Variants in ZNF385D observed in about 807,000 individuals in gnomAD.
ZNF385D encodes zinc finger protein 659.
Under a neutral mutation model 35.8 loss-of-function variants are expected in ZNF385D, and 15 were observed. That is an observed-to-expected ratio of 0.42 (90% CI 0.28 to 0.64). The LOEUF is 0.64. Among genes scored for constraint, ZNF385D ranks in the 30% least tolerant of loss-of-function variants. ZNF385D has a pLI of 0.23. For missense variants in ZNF385D, 474 were observed against 494.6 expected (o/e 0.96, Z 0.39); for synonymous variants, 212 against 186.8 (o/e 1.13, Z -1.10).
rs1244215507 is a variant in ZNF385D, at chr3:22,131,812, C to T, written c.325+37005G>A. 2.6e-5 allele frequency among the ~76,000 whole-genome samples: 4 copies of T among 152,142 alleles called. No homozygotes were observed. The South Asian group carries it at 8.3e-4, about 32-fold the overall frequency. On this transcript the variant is annotated intron_variant, in intron 3 of 5. Coordinates refer to the ZNF385D transcript ENST00000494108. ...TACAGATGAGAGAAAGCTATTAAAC[C>T]TTAAGGGAAAGTATGAAAGAATCAT... is the stretch of plus-strand genomic sequence containing the variant.
chr3:22,197,042 G>A (rs1696467627), intron 2 of ZNF385D, among the ~76,000 whole-genome samples: 1 of 151,840 alleles, frequency 6.6e-6, no homozygotes, highest in East Asian at 1.9e-4. Context: ...ATAAAATTTG[G>A]CTTCCAATTT....
rs144328999 is a variant in ZNF385D, at chr3:22,093,606, A to G, written c.325+75211T>C. 4.3e-3 allele frequency among the ~76,000 whole-genome samples: 657 copies of G among 152,242 alleles called. 6 individuals are homozygous for G. The highest frequency in any genetic ancestry group is 0.015 in the African/African-American group (610 of 41,566). On this transcript the variant is annotated intron_variant, in intron 3 of 5. Transcript: ENST00000494108. ...TTATCCTCATTCATTATACGAGTTG[A>G]CAACCTACTATAAAAAATAAGAAAG...
intron 2 of ZNF385D, among the ~76,000 whole-genome samples, chr3:22,269,336 T>A (rs1701056669): frequency 6.6e-6 from 1 of 151,910 alleles, no homozygotes. Context: ...CCCTAAGAGT[T>A]AAATAAAGAG....
chr3:21,425,600 T>A lies in ZNF385D; in HGVS notation c.744A>T (p.Gly248=). 3.1e-6 allele frequency: 5 copies of A among 1,607,888 alleles called. No individual in the cohort carries two copies. Among genetic ancestry groups the A allele is most frequent in the Non-Finnish European group, 4.2e-6 (5 of 1,176,860 alleles). Residue 248 remains glycine, a synonymous_variant, in exon 6 of 8, where the codon GGA becomes GGT. Transcript: ENST00000281523. The stretch of plus-strand genomic sequence containing the variant: ...TATTAACAGGTCCTTTGCCTTTCAC[T>A]CCTGCCCTAGGAAAGGCTTTGATAG... The part of the protein sequence containing the change: ...SGTIKAFPRA[G]VKGKGPVNKG...
intron 3 of ZNF385D, among the ~76,000 whole-genome samples, chr3:21,792,655 G>A (rs1389198978): frequency 6.6e-6 from 1 of 152,064 alleles, no homozygotes; most frequent in African/African-American, 2.4e-5. Flanking sequence ...GGGCCATGCA[G>A]GAGACTTGCA....
chr3:21,642,559 C>T (rs930109712), intron 2 of ZNF385D, among the ~76,000 whole-genome samples: 1 of 152,034 alleles, frequency 6.6e-6, no homozygotes, highest in African/African-American at 2.4e-5. Context: ...TAGATTCAGT[C>T]AGCAACATTC....
rs536150358 is a variant in ZNF385D, at chr3:22,186,523, T to G, written c.107-17488A>C. Among the ~76,000 whole-genome samples, 54 of 152,288 alleles carry G rather than the reference T, an allele frequency of 3.5e-4. 1 individual carries two copies. In the South Asian group the frequency reaches 7.5e-3, roughly 21 times the overall value. ...TGCAGGCTGCCATGTCCTGAAGTTA[T>G]AAAATTATTGTATCATTTCACTTTA... On this transcript the variant is annotated intron_variant, in intron 2 of 5. Transcript: ENST00000494108.
chr3:22,327,237 A>G (rs981535112), intron 2 of ZNF385D, among the ~76,000 whole-genome samples: 1 of 152,226 alleles, frequency 6.6e-6, no homozygotes, highest in African/African-American at 2.4e-5. Flanking sequence ...CAGGAACATT[A>G]AACCTTACAA....
chr3:22,242,650 G>A (rs192044048), intron 2 of ZNF385D, among the ~76,000 whole-genome samples: 3 of 151,038 alleles, frequency 2.0e-5, no homozygotes, highest in African/African-American at 7.3e-5. Context: ...ATGTGACATC[G>A]CAACTAAACA....
rs1386797754 is a variant in ZNF385D at position 21,684,377 on chromosome 3, T to C, written c.23-19349A>G. Among the ~76,000 whole-genome samples the C allele has an allele frequency of 2.2e-5, 2 of 90,196 alleles. 1 individual carries two copies. The highest frequency in any genetic ancestry group is 1.1e-4 in the African/African-American group (2 of 17,936). 59.2% of individuals were successfully genotyped at this position (90,196 alleles called of 152,430 possible). On this transcript the variant is annotated intron_variant, in intron 1 of 7. Coordinates refer to ENST00000281523, the MANE Select transcript of ZNF385D (RefSeq NM_024697.3). The stretch of plus-strand genomic sequence containing the variant: ...GGTTAACTGTTCTCCTCTCTCTCTC[T>C]CTCTCTCTCTCTCTCTCTCTCTCTC...
chr3:21,873,843 A>C (rs1016783545), intron 3 of ZNF385D, among the ~76,000 whole-genome samples: 5 of 152,048 alleles, frequency 3.3e-5, no homozygotes, highest in African/African-American at 1.2e-4. Flanking sequence ...ATAATACTTC[A>C]TTGTATGTGT....
intron 1 of ZNF385D, among the ~76,000 whole-genome samples, chr3:21,718,186 T>C (rs762169185): frequency 1.3e-5 from 2 of 152,248 alleles, no homozygotes; most frequent in Non-Finnish European, 2.9e-5. Context: ...AAGTAAGCCA[T>C]ATGGGCCTTC....
intron 3 of ZNF385D, among the ~76,000 whole-genome samples, chr3:21,920,443 A>G (rs1318341543): frequency 6.6e-6 from 1 of 152,128 alleles, no homozygotes. Flanking sequence ...TAATGTACAG[A>G]TATTACAGAC....
chr3:21,628,130 T>C (rs1453553374), intron 2 of ZNF385D, among the ~76,000 whole-genome samples: 2 of 152,076 alleles, frequency 1.3e-5, no homozygotes, highest in South Asian at 2.1e-4. Context: ...CTACTGATTG[T>C]TAAAAGTTTC....
intron 2 of ZNF385D, among the ~76,000 whole-genome samples, chr3:22,337,796 C>G (rs1695240080): frequency 6.6e-6 from 1 of 152,102 alleles, no homozygotes; most frequent in Non-Finnish European, 1.5e-5. Flanking sequence ...AGAATGGAAC[C>G]ATGTTAGTTA....
At chr3:22,325,548 G>T (rs1417424760) in intron 2 of ZNF385D, among the ~76,000 whole-genome samples, 13 of 152,130 alleles carry the variant, frequency 8.5e-5, no homozygotes, top group Non-Finnish European at 1.5e-5. Flanking sequence ...CTGATCATTT[G>T]AGGCCAGGAG....
intron 3 of ZNF385D, among the ~76,000 whole-genome samples, chr3:21,932,499 AAATATTGAAT>A (rs1401526097): frequency 6.6e-6 from 1 of 152,036 alleles, no homozygotes; most frequent in Non-Finnish European, 1.5e-5. Flanking sequence ...GCTTTTGATT[AAATATTGAAT>A]AGCAGTGAGT....
chr3:21,620,824 C>T (rs2064984532), intron 2 of ZNF385D, among the ~76,000 whole-genome samples: 2 of 152,138 alleles, frequency 1.3e-5, no homozygotes, highest in African/African-American at 4.8e-5. Context: ...GCAGAATTGA[C>T]AAGGCGCACG....
chr3:21,482,951 A>G (rs1299150560), intron 4 of ZNF385D, among the ~76,000 whole-genome samples: 1 of 152,164 alleles, frequency 6.6e-6, no homozygotes, highest in Non-Finnish European at 1.5e-5. Context: ...AATTACCAAA[A>G]CCAGAAAATT....
Sources: allele counts gnomAD v4.1 joint callset (sites outside exome capture counted in the v4.1 genomes callset), GRCh38; gene constraint gnomAD v4.1.1; transcripts MANE v1.5; gene names NCBI Gene and HGNC (gene_info 2026-07-23, HGNC 2026-07-21).